Variants in RBFOX3 observed in about 807,000 individuals in gnomAD.
RBFOX3 encodes the protein RNA binding protein fox-1 homolog 3.
Under a neutral mutation model 48.7 loss-of-function variants are expected in RBFOX3, and 17 were observed. The observed-to-expected ratio is 0.35, with a 90% confidence interval of 0.24 to 0.52. The LOEUF is 0.52. RBFOX3 is among the 20% of genes least tolerant of loss of function. The pLI, the probability that RBFOX3 is intolerant of heterozygous loss-of-function variation, is 0.94. For missense variants in RBFOX3, 382 were observed against 497.5 expected (o/e 0.77, Z 2.21); for synonymous variants, 212 against 209.5 (o/e 1.01, Z -0.10).
At chr17:79,268,268 C>T (rs1465215865) in intron 3 of RBFOX3, among the ~76,000 whole-genome samples, 1 of 152,150 alleles carries the variant, frequency 6.6e-6, no homozygotes. Context: ...GCCTCTGTAA[C>T]CGTCCCAGTG....
chr17:79,466,111 A>T (rs2076281702), intron 2 of RBFOX3, among the ~76,000 whole-genome samples: 2 of 151,988 alleles, frequency 1.3e-5, no homozygotes, highest in African/African-American at 2.4e-5. Flanking sequence ...AAGGTCCCAG[A>T]CCCGGCCTCT....
Position 79,220,841 on chromosome 17 carries a change from T to G in RBFOX3, c.-34+14925A>C, listed in dbSNP as rs1236857311. Among the ~76,000 whole-genome samples, 1 of 151,950 alleles carries G rather than the reference T, an allele frequency of 6.6e-6. No homozygotes were observed. The highest frequency in any genetic ancestry group is 1.5e-5 in the Non-Finnish European group (1 of 67,966). ...AGCTCCTGCAGAGGCGGGGCGGCTC[T>G]CCAGGCCTGGAGCGTGGGCCAATCA... On this transcript the variant is annotated intron_variant, in intron 4 of 14. Coordinates refer to ENST00000693108, the MANE Select transcript of RBFOX3 (RefSeq NM_001350451.2). The surrounding 1 kb of genome is among the most constrained non-coding windows in gnomAD (Gnocchi z 5.9).
intron 4 of RBFOX3, among the ~76,000 whole-genome samples, chr17:79,179,783 A>G (rs1195137748): frequency 6.6e-6 from 1 of 152,164 alleles, no homozygotes; most frequent in Non-Finnish European, 1.5e-5. Context: ...AGATTTTCAG[A>G]TGAGCTCCTT....
At chr17:79,545,548 T>C (rs575990314) in intron 1 of RBFOX3, among the ~76,000 whole-genome samples, 1 of 152,334 alleles carries the variant, frequency 6.6e-6, no homozygotes, top group East Asian at 1.9e-4. Flanking sequence ...CAGGCCTGAC[T>C]TGGTGTCCCA....
intron 3 of RBFOX3, among the ~76,000 whole-genome samples, chr17:79,303,596 C>A (rs1298764211): frequency 6.6e-6 from 1 of 152,106 alleles, no homozygotes; most frequent in South Asian, 2.1e-4. Context: ...GGGCTAGGGG[C>A]ACTGACCTGC....
At chr17:79,618,323 G>A in the RBFOX3 span, among the ~76,000 whole-genome samples, 4 of 152,158 alleles carry the variant, frequency 2.6e-5, no homozygotes, top group African/African-American at 4.8e-5. Context: ...GTTCTTCCCC[G>A]TCTTCCATCT....
At chr17:79,287,597 A>G (rs972115703) in intron 3 of RBFOX3, among the ~76,000 whole-genome samples, 6 of 152,182 alleles carry the variant, frequency 3.9e-5, no homozygotes, top group Non-Finnish European at 8.8e-5. Flanking sequence ...AGACCGGCCA[A>G]CAGGCAGCTG....
intron 2 of RBFOX3, among the ~76,000 whole-genome samples, chr17:79,460,492 G>A (rs929222223): frequency 5.9e-5 from 9 of 152,132 alleles, no homozygotes; most frequent in East Asian, 1.9e-4. Context: ...CTAGGGCCAC[G>A]CCCTCAGCCT....
intron 12 of RBFOX3, 146 bp downstream of exon 12, chr17:79,096,507 C>A (rs1823695006): frequency 2.9e-6 from 2 of 691,172 alleles, no homozygotes; most frequent in Non-Finnish European, 4.9e-6. Flanking sequence ...ATACTCTGGG[C>A]AGACGTGGCA....
chr17:79,295,891 T>C (rs9789067), intron 3 of RBFOX3, among the ~76,000 whole-genome samples: 49,179 of 151,938 alleles, frequency 0.32, 8,201 homozygotes, highest in East Asian at 0.48. Context: ...TGGCAGGGCA[T>C]GGGGAAGGGC....
chr17:79,112,722 G>A (rs2032254418), intron 5 of RBFOX3, among the ~76,000 whole-genome samples: 1 of 152,058 alleles, frequency 6.6e-6, no homozygotes, highest in Non-Finnish European at 1.5e-5. Context: ...GGCACTCCAA[G>A]CTCCCCCTCT....
Position 79,212,691 on chromosome 17 carries a change from A to C in RBFOX3, c.-34+23075T>G, listed in dbSNP as rs971778221. On this transcript the variant is annotated intron_variant, in intron 4 of 14. Transcript: ENST00000693108. The surrounding 1 kb of genome is among the most constrained non-coding windows in gnomAD (Gnocchi z 4.7). ...CTTTTCAATCACAAATGTCGCTGAC[A>C]GTCCCCACACTACCACTTGTTTCCC... 1.3e-5 allele frequency among the ~76,000 whole-genome samples: 2 copies of C among 152,204 alleles called. No individual in the cohort carries two copies. Among genetic ancestry groups the C allele is most frequent in the African/African-American group, 2.4e-5 (1 of 41,454 alleles).
intron 4 of RBFOX3, among the ~76,000 whole-genome samples, chr17:79,228,453 C>T (rs547081402): frequency 8.2e-4 from 125 of 152,330 alleles, no homozygotes; most frequent in Admixed American, 1.8e-3. Flanking sequence ...CATACTTCCA[C>T]ACAAACACAC....
chr17:79,122,831 G>C (rs2036124468), intron 4 of RBFOX3, among the ~76,000 whole-genome samples: 1 of 151,980 alleles, frequency 6.6e-6, no homozygotes, highest in Non-Finnish European at 1.5e-5. Context: ...AATGGGTAAA[G>C]AAAATGTGGT....
chr17:79,221,288 T>A (rs1416450522), intron 4 of RBFOX3, among the ~76,000 whole-genome samples: 1 of 152,246 alleles, frequency 6.6e-6, no homozygotes, highest in Non-Finnish European at 1.5e-5. Flanking sequence ...GGCGGTTGCC[T>A]GCTCTTTGAA....
chr17:79,460,541 C>T (rs2075244619), intron 2 of RBFOX3, among the ~76,000 whole-genome samples: 1 of 152,220 alleles, frequency 6.6e-6, no homozygotes, highest in African/African-American at 2.4e-5. Context: ...TCTCTTGCTG[C>T]ACTTACATAA....
At chr17:79,227,186 C>T (rs2060406451) in intron 4 of RBFOX3, among the ~76,000 whole-genome samples, 1 of 152,160 alleles carries the variant, frequency 6.6e-6, no homozygotes, top group African/African-American at 2.4e-5. Flanking sequence ...GCCGAGACCA[C>T]CAGTTTTGTG....
chr17:79,408,772 C>G (rs1440036855), intron 2 of RBFOX3, among the ~76,000 whole-genome samples: 1 of 152,128 alleles, frequency 6.6e-6, no homozygotes, highest in African/African-American at 2.4e-5. Context: ...AACATCATCA[C>G]CATCATTGTT....
intron 1 of RBFOX3, among the ~76,000 whole-genome samples, chr17:79,548,273 C>G (rs2090731873): frequency 1.3e-5 from 2 of 152,314 alleles, no homozygotes; most frequent in South Asian, 4.1e-4. Flanking sequence ...CAGAGGCCAC[C>G]AGAGCACTGG....
Sources: gnomAD v4.1 joint callset for allele counts (sites outside exome capture counted in the v4.1 genomes callset) on GRCh38, gnomAD v4.1.1 for gene constraint, Gnocchi (gnomAD v3.1) non-coding constraint, MANE v1.5 for transcripts, NCBI Gene and HGNC (gene_info 2026-07-23, HGNC 2026-07-21) for gene names.